PLCE1: variants seen among roughly 807,000 people sequenced by gnomAD.
The protein encoded by PLCE1 is phospholipase C epsilon 1.
In PLCE1, 119 loss-of-function variants were observed where a neutral mutation model predicts 242.8. That is an observed-to-expected ratio of 0.49 (90% CI 0.42 to 0.57). The LOEUF is 0.57. PLCE1 is among the 20% of genes least tolerant of loss of function. The pLI is 0.00. For synonymous variants in PLCE1, 945 were observed against 1,017.4 expected (o/e 0.93, Z 1.35); for missense variants, 2,441 against 2,788.8 (o/e 0.88, Z 2.81).
intron 4 of PLCE1, among the ~76,000 whole-genome samples, chr10:94,220,479 T>G (rs1300262108): frequency 2.1e-5 from 3 of 142,634 alleles, no homozygotes; most frequent in Non-Finnish European, 4.5e-5. Context: ...CAGGGAAGCC[T>G]TGAGAGAAGA....
intron 22 of PLCE1, among the ~76,000 whole-genome samples, chr10:94,286,542 T>C (rs1304823120): frequency 1.3e-5 from 2 of 152,168 alleles, no homozygotes; most frequent in Non-Finnish European, 2.9e-5. Context: ...GTAAAAAAAA[T>C]CATATTATTT....
At chr10:94,084,531 G>A (rs932442957) in intron 2 of PLCE1, among the ~76,000 whole-genome samples, 3 of 152,114 alleles carry the variant, frequency 2.0e-5, no homozygotes, top group African/African-American at 4.8e-5. Flanking sequence ...AACCATAAAC[G>A]CTTGTCTTGA....
chr10:94,156,092 C>G (rs944563294), intron 3 of PLCE1, among the ~76,000 whole-genome samples: 7 of 152,052 alleles, frequency 4.6e-5, no homozygotes, highest in African/African-American at 1.5e-4. Context: ...AATAATGCCA[C>G]AGTGGAAGGG....
intron 1 of PLCE1, among the ~76,000 whole-genome samples, chr10:94,013,197 C>A (rs2061206698): frequency 6.6e-6 from 1 of 152,220 alleles, no homozygotes. Context: ...AGAAAACTCT[C>A]TGAGAGGCCT....
chr10:94,097,380 T>C (rs1285514765), intron 2 of PLCE1, among the ~76,000 whole-genome samples: 1 of 151,966 alleles, frequency 6.6e-6, no homozygotes, highest in African/African-American at 2.4e-5. Context: ...GGGGAAAAAA[T>C]GATTTTTTTC....
At position 94,031,293 on chromosome 10, in the gene PLCE1, G is replaced by T. The variant is rs1236231628; in HGVS notation, c.247G>T (p.Asp83Tyr). The T allele has an allele frequency of 6.2e-7, 1 of 1,613,848 alleles. No homozygotes were observed. ...AATAGCGAGGGAGAAAATAGTGAGTGATGAGAACAGTAATGAAAAATGTTG... is the reference window on the plus strand; with the variant it reads ...AATAGCGAGGGAGAAAATAGTGAGTTATGAGAACAGTAATGAAAAATGTTG... ...LSIAREKIVS[D>Y]ENSNEKCWEK... The change falls in exon 2 of 33, where the codon GAT becomes TAT. Residue 83 changes from aspartate to tyrosine, a missense_variant. Asp to Tyr is a radical substitution (Grantham distance 160). Coordinates refer to ENST00000371380, the MANE Select transcript of PLCE1 (RefSeq NM_016341.4).
At chr10:94,190,825 G>A (rs944202405) in intron 4 of PLCE1, among the ~76,000 whole-genome samples, 17 of 152,220 alleles carry the variant, frequency 1.1e-4, no homozygotes, top group Non-Finnish European at 2.2e-4. Context: ...AGTGCAAGGC[G>A]GGAGCATGGA....
At chr10:94,261,876 G>T (rs562244733) in intron 13 of PLCE1, among the ~76,000 whole-genome samples, 2 of 152,032 alleles carry the variant, frequency 1.3e-5, no homozygotes, top group African/African-American at 2.4e-5. Context: ...ACAAAAATGT[G>T]CAAGTAGTTA....
chr10:94,283,878 G>GA lies in PLCE1; in HGVS notation c.4887dup (p.Ala1630SerfsTer3), dbSNP rs747229979. On this transcript the variant is annotated frameshift_variant, in exon 21 of 33. Coordinates refer to ENST00000371380, the MANE Select transcript of PLCE1 (RefSeq NM_016341.4). LOFTEE classifies it high-confidence loss of function. ...ATGAAGAAATCCCAAAGAGGATAAAGAAAGCAGATAACTCTGCTTGCAACA... is the reference window on the plus strand; with the variant it reads ...ATGAAGAAATCCCAAAGAGGATAAAGAAAAGCAGATAACTCTGCTTGCAACA... The GA allele has an allele frequency of 1.2e-6, 2 of 1,612,196 alleles. No homozygotes were observed. The highest frequency in any genetic ancestry group is 2.2e-5 in the South Asian group (2 of 90,984).
chr10:94,043,707 G>A (rs1266400866), intron 2 of PLCE1, among the ~76,000 whole-genome samples: 2 of 152,150 alleles, frequency 1.3e-5, no homozygotes, highest in Admixed American at 1.3e-4. Context: ...TGCATTATTT[G>A]TCTCTTTAAT....
At chr10:94,313,779 T>C (rs1392626020) in intron 28 of PLCE1, among the ~76,000 whole-genome samples, 1 of 152,118 alleles carries the variant, frequency 6.6e-6, no homozygotes, top group Non-Finnish European at 1.5e-5. Context: ...AATTTGCACA[T>C]TAGGTGAATG....
chr10:94,067,226 T>A (rs2044223077), intron 2 of PLCE1, among the ~76,000 whole-genome samples: 1 of 152,172 alleles, frequency 6.6e-6, no homozygotes, highest in South Asian at 2.1e-4. Context: ...ACCATGAGAC[T>A]CTGTCATAAT....
At chr10:94,089,190 G>A (rs1372429766) in intron 2 of PLCE1, 10 of 1,613,910 alleles carry the variant, frequency 6.2e-6, no homozygotes, top group Non-Finnish European at 8.5e-6. Flanking sequence ...TTAAGATTTG[G>A]CACCAGGCTT....
At chr10:94,044,699 C>A (rs560691297) in intron 2 of PLCE1, among the ~76,000 whole-genome samples, 1 of 152,336 alleles carries the variant, frequency 6.6e-6, no homozygotes, top group Admixed American at 6.5e-5. Flanking sequence ...GTCTCTTCCA[C>A]CTTCCTCGGC....
chr10:94,181,161 A>G (rs562104273), intron 4 of PLCE1, among the ~76,000 whole-genome samples: 1 of 152,352 alleles, frequency 6.6e-6, no homozygotes, highest in Non-Finnish European at 1.5e-5. Flanking sequence ...CTCACTGATC[A>G]GCGGAATGAA....
At chr10:94,178,806 C>A (rs528536645) in intron 4 of PLCE1, among the ~76,000 whole-genome samples, 10 of 152,200 alleles carry the variant, frequency 6.6e-5, no homozygotes, top group African/African-American at 2.4e-4. Flanking sequence ...CGATGTGAGG[C>A]AGTGTCATGT....
chr10:94,080,806 T>C (rs2044633904), intron 2 of PLCE1, among the ~76,000 whole-genome samples: 1 of 152,224 alleles, frequency 6.6e-6, no homozygotes, highest in South Asian at 2.1e-4. Context: ...TTATGGATAT[T>C]TCAAGAATAC....
intron 30 of PLCE1, among the ~76,000 whole-genome samples, chr10:94,322,802 A>G (rs1474537847): frequency 1.3e-5 from 2 of 151,700 alleles, no homozygotes; most frequent in African/African-American, 4.8e-5. Flanking sequence ...AAAAAAGTAC[A>G]AAAATTAGCC....
chr10:94,109,390 T>G (rs1197314919), intron 2 of PLCE1, among the ~76,000 whole-genome samples: 2 of 152,148 alleles, frequency 1.3e-5, no homozygotes, highest in African/African-American at 4.8e-5. Context: ...TGTGACCCAC[T>G]TGAGGTTAGG....
Sources: allele counts gnomAD v4.1 joint callset (sites outside exome capture counted in the v4.1 genomes callset), GRCh38; gene constraint gnomAD v4.1.1; transcripts MANE v1.5; gene names NCBI Gene and HGNC (gene_info 2026-07-23, HGNC 2026-07-21).